Variants in TRAPPC9 observed in about 807,000 individuals in gnomAD.
TRAPPC9 encodes the protein trafficking protein particle complex subunit 9.
A neutral mutation model predicts 124.0 loss-of-function variants in TRAPPC9; 83 were observed. The observed-to-expected ratio is 0.67, with a 90% confidence interval of 0.56 to 0.80. The LOEUF (loss-of-function observed/expected upper bound fraction) is 0.80, where lower values mean the gene tolerates loss of function less well. Ranked by LOEUF, TRAPPC9 falls within the 30% of genes least tolerant of loss-of-function variation. TRAPPC9 has a pLI of 0.00. For synonymous variants in TRAPPC9, 638 were observed against 617.5 expected, an observed-to-expected ratio of 1.03 and a Z score of -0.49; for missense variants, 1,302 against 1,508.3, an observed-to-expected ratio of 0.86 and a Z score of 2.27.
intron 9 of TRAPPC9, among the ~76,000 whole-genome samples, chr8:140,336,575 A>G (rs996463059): frequency 6.6e-6 from 1 of 152,154 alleles, no homozygotes; most frequent in African/African-American, 2.4e-5. Flanking sequence ...CCTCATCCAA[A>G]CCAAGTCCCT....
At chr8:139,902,050 G>A (rs1051819475) in intron 20 of TRAPPC9, among the ~76,000 whole-genome samples, 8 of 152,216 alleles carry the variant, frequency 5.3e-5, no homozygotes, top group Non-Finnish European at 1.0e-4. Context: ...TAATCATCAC[G>A]CTAAAAATAC....
At chr8:139,938,693 T>C (rs1024641972) in intron 19 of TRAPPC9, among the ~76,000 whole-genome samples, 1 of 151,516 alleles carries the variant, frequency 6.6e-6, no homozygotes, top group Admixed American at 6.6e-5. Context: ...GGCCGGACTG[T>C]GGACTGCAGT....
At chr8:139,912,486 G>A (rs1831813214) in intron 19 of TRAPPC9, among the ~76,000 whole-genome samples, 2 of 152,174 alleles carry the variant, frequency 1.3e-5, no homozygotes, top group South Asian at 2.1e-4. Flanking sequence ...GTTTCTGCCT[G>A]CACTTACGAC....
chr8:139,858,828 G>T (rs970222961), intron 21 of TRAPPC9, among the ~76,000 whole-genome samples: 1 of 143,064 alleles, frequency 7.0e-6, no homozygotes, highest in Non-Finnish European at 1.5e-5. Flanking sequence ...GAATCCGGGG[G>T]GGGCACAGTC....
At chr8:140,085,069 G>A (rs1448992570) in intron 17 of TRAPPC9, among the ~76,000 whole-genome samples, 2 of 152,204 alleles carry the variant, frequency 1.3e-5, no homozygotes, top group African/African-American at 4.8e-5. Context: ...GGAGAGTGGA[G>A]ATGGGGGTGC....
chr8:139,941,318 T>C (rs1479779269), intron 19 of TRAPPC9, among the ~76,000 whole-genome samples: 1 of 152,104 alleles, frequency 6.6e-6, no homozygotes, highest in Non-Finnish European at 1.5e-5. Flanking sequence ...CAGAAGTAGT[T>C]TGTCCACTTC....
intron 19 of TRAPPC9, among the ~76,000 whole-genome samples, chr8:139,934,776 G>A (rs973456977): frequency 2.6e-5 from 4 of 152,118 alleles, no homozygotes; most frequent in South Asian, 2.1e-4. Flanking sequence ...GTCAGTGTTC[G>A]CTCAGATAGG....
chr8:140,389,076 G>C (rs1482936295), intron 7 of TRAPPC9, among the ~76,000 whole-genome samples: 1 of 148,980 alleles, frequency 6.7e-6, no homozygotes, highest in Non-Finnish European at 1.5e-5. Flanking sequence ...TCCTGCCTCA[G>C]CCTCCCAAGT....
intron 21 of TRAPPC9, among the ~76,000 whole-genome samples, chr8:139,870,895 C>G (rs1828858029): frequency 6.6e-6 from 1 of 152,164 alleles, no homozygotes; most frequent in Non-Finnish European, 1.5e-5. Flanking sequence ...CAGGGGCTAC[C>G]ATGCAGTGGG....
intron 21 of TRAPPC9, among the ~76,000 whole-genome samples, chr8:139,761,816 C>T (rs757562141): frequency 2.0e-5 from 3 of 151,716 alleles, no homozygotes; most frequent in Non-Finnish European, 4.4e-5. Flanking sequence ...CCACACCCTG[C>T]GTATTTCTCA....
intron 21 of TRAPPC9, among the ~76,000 whole-genome samples, chr8:139,812,584 T>A (rs1310848314): frequency 3.3e-5 from 5 of 152,240 alleles, no homozygotes; most frequent in Non-Finnish European, 7.3e-5. Context: ...TGGAACGAAT[T>A]GGCTTTTTAA....
intron 19 of TRAPPC9, among the ~76,000 whole-genome samples, chr8:139,941,061 A>G (rs1225896772): frequency 1.3e-5 from 2 of 152,214 alleles, no homozygotes; most frequent in Non-Finnish European, 2.9e-5. Context: ...GTTCTGTGGC[A>G]GGCCCAGAAC....
intron 15 of TRAPPC9, among the ~76,000 whole-genome samples, chr8:140,266,482 A>C (rs2064660310): frequency 6.7e-6 from 1 of 149,398 alleles, no homozygotes. Context: ...AAAAAAAAAA[A>C]ACTTGCTTAC....
chr8:140,054,513 AAAC>A (rs1842191425), intron 17 of TRAPPC9, among the ~76,000 whole-genome samples: 1 of 152,210 alleles, frequency 6.6e-6, no homozygotes, highest in South Asian at 2.1e-4. Flanking sequence ...AATGAGAAAA[AAAC>A]AAACTATGCC....
chr8:139,855,813 T>C (rs1437176866), intron 21 of TRAPPC9, among the ~76,000 whole-genome samples: 1 of 152,208 alleles, frequency 6.6e-6, no homozygotes, highest in Admixed American at 6.5e-5. Flanking sequence ...GCGTGGTTTA[T>C]AAAGCTCATA....
intron 17 of TRAPPC9, chr8:140,098,812 G>A (rs368582355): frequency 1.3e-5 from 2 of 151,964 alleles, no homozygotes; most frequent in Middle Eastern, 3.4e-3. Context: ...GCTGTCCGCA[G>A]GGGAAGACAC....
At chr8:140,051,576 CTTTTTTTTTTTTT>C (rs1197128988) in intron 17 of TRAPPC9, among the ~76,000 whole-genome samples, 2 of 88,026 alleles carry the variant, frequency 2.3e-5, no homozygotes, top group Non-Finnish European at 4.3e-5. Context: ...ATTGTTCATT[CTTTTTTTTTTTTT>C]TTTTTTTTTT....
intron 21 of TRAPPC9, among the ~76,000 whole-genome samples, chr8:139,759,293 G>T (rs1820066412): frequency 6.6e-6 from 1 of 152,186 alleles, no homozygotes; most frequent in Non-Finnish European, 1.5e-5. Flanking sequence ...AGGAATACCT[G>T]CCGCTCACTG....
chr8:139,829,504 C>T (rs979099882), intron 21 of TRAPPC9, among the ~76,000 whole-genome samples: 13 of 152,232 alleles, frequency 8.5e-5, no homozygotes, highest in African/African-American at 2.4e-4. Flanking sequence ...CGCAAACACA[C>T]GAGTGCAATC....
Sources: gnomAD v4.1 joint callset for allele counts (sites outside exome capture counted in the v4.1 genomes callset) on GRCh38, gnomAD v4.1.1 for gene constraint, MANE v1.5 for transcripts, NCBI Gene and HGNC (gene_info 2026-07-23, HGNC 2026-07-21) for gene names.